The following PATJ variants were observed in gnomAD, a reference collection of about 807,000 sequenced individuals.
The protein encoded by PATJ is inaD-like protein.
Under a neutral mutation model 224.9 loss-of-function variants are expected in PATJ, and 190 were observed. That is an observed-to-expected ratio of 0.84 (90% CI 0.75 to 0.95). The LOEUF (loss-of-function observed/expected upper bound fraction) is 0.95, where lower values mean the gene tolerates loss of function less well. PATJ is among the 40% of genes least tolerant of loss of function. The pLI is 0.00. For synonymous variants in PATJ, 769 were observed against 820.3 expected (o/e 0.94, Z 1.07); for missense variants, 2,121 against 2,270.3 (o/e 0.93, Z 1.34).
intron 1 of PATJ, among the ~76,000 whole-genome samples, chr1:61,754,569 C>T (rs529793432): frequency 2.1e-5 from 3 of 145,758 alleles, no homozygotes; most frequent in East Asian, 4.1e-4. Flanking sequence ...GCTATGTTGC[C>T]CAGGCTGGTC....
intron 31 of PATJ, among the ~76,000 whole-genome samples, chr1:62,052,198 G>C (rs897563009): frequency 1.3e-5 from 2 of 152,112 alleles, no homozygotes; most frequent in Admixed American, 6.5e-5. Context: ...ACAGCCCAGA[G>C]TTGTTCATTT....
intron 16 of PATJ, among the ~76,000 whole-genome samples, chr1:61,828,112 G>T (rs866122710): frequency 1.3e-5 from 2 of 151,892 alleles, no homozygotes; most frequent in South Asian, 4.1e-4. Flanking sequence ...GCATGGTGGC[G>T]CATGCCTGTA....
intron 37 of PATJ, among the ~76,000 whole-genome samples, chr1:62,119,160 C>G (rs1664778273): frequency 6.6e-6 from 1 of 151,822 alleles, no homozygotes; most frequent in Non-Finnish European, 1.5e-5. Flanking sequence ...TTTTTAAAAA[C>G]AGTAAATATA....
chr1:61,816,471 A>G (rs143985832), intron 14 of PATJ: 1 of 152,322 alleles, frequency 6.6e-6, no homozygotes, highest in Non-Finnish European at 1.5e-5. Context: ...AGAGATTAGC[A>G]TGGCCCCTGT....
intron 41 of PATJ, among the ~76,000 whole-genome samples, chr1:62,141,756 A>G (rs1485620035): frequency 6.6e-6 from 1 of 151,566 alleles, no homozygotes; most frequent in African/African-American, 2.4e-5. Flanking sequence ...TGATCACCTG[A>G]GGTCGAGTTT....
chr1:61,982,480 A>G (rs12057791), intron 27 of PATJ, among the ~76,000 whole-genome samples: 38,291 of 151,828 alleles, frequency 0.25, 5,185 homozygotes, highest in East Asian at 0.45. Flanking sequence ...AGTATCAGTC[A>G]GTTCATCTGC....
At chr1:61,791,912 A>G (rs1443966988) in intron 9 of PATJ, among the ~76,000 whole-genome samples, 1 of 152,218 alleles carries the variant, frequency 6.6e-6, no homozygotes, top group Non-Finnish European at 1.5e-5. Context: ...TATGAGAATA[A>G]GTACACAATT....
intron 27 of PATJ, among the ~76,000 whole-genome samples, chr1:61,960,663 CAAAA>C (rs1163415331): frequency 1.0e-5 from 1 of 98,494 alleles, no homozygotes; most frequent in Non-Finnish European, 2.2e-5. Flanking sequence ...AACTCCATCT[CAAAA>C]AAAAAAAAAA....
rs374594803 is a variant in PATJ at position 62,136,015 on chromosome 1, A to ATTTTTT, written c.5271+7094_5271+7099dup. ...GCTTCACACTTCTTCAGACCATTAG[A>ATTTTTT]TTTTTTTTTTTTTTTTTTTTTTTTT... On this transcript the variant is annotated intron_variant, in intron 41 of 43. Coordinates refer to ENST00000642238, the MANE Select transcript of PATJ (RefSeq NM_001350145.3). Among the ~76,000 whole-genome samples, 219 of 63,904 alleles carry ATTTTTT rather than the reference A, an allele frequency of 3.4e-3. 29 individuals are homozygous for ATTTTTT. Among genetic ancestry groups the ATTTTTT allele is most frequent in the African/African-American group, 7.8e-3 (122 of 15,580 alleles). 41.9% of individuals were successfully genotyped at this position (63,904 alleles called of 152,430 possible). A position where few individuals can be genotyped will look rare whatever the true frequency, so the allele number is the denominator to read the frequency against.
Position 62,051,171 on chromosome 1 carries a change from G to A in PATJ, c.4125+113G>A, listed in dbSNP as rs190559665. The A allele has an allele frequency of 1.4e-4, 106 of 765,916 alleles. 1 individual carries two copies. Among genetic ancestry groups the A allele is most frequent in the Non-Finnish European group, 2.1e-4 (98 of 463,068 alleles). The allele number at this position is 765,916 out of a possible 1,614,324, so 47.4% of individuals were successfully genotyped here. On this transcript the variant is annotated intron_variant, in intron 31 of 43. Coordinates refer to ENST00000642238, the MANE Select transcript of PATJ (RefSeq NM_001350145.3). The stretch of plus-strand genomic sequence containing the variant: ...ATGTTTGCTTCTCTCAGGAATCTTC[G>A]TCTGTGAGACAAGAAGCTATTATAT...
intron 27 of PATJ, among the ~76,000 whole-genome samples, chr1:61,962,384 CCTT>C (rs1681441855): frequency 6.6e-6 from 1 of 152,156 alleles, no homozygotes; most frequent in Non-Finnish European, 1.5e-5. Flanking sequence ...GACTATATGT[CCTT>C]CTGTCTCGAT....
intron 14 of PATJ, among the ~76,000 whole-genome samples, chr1:61,813,372 T>C (rs948007607): frequency 1.1e-3 from 48 of 44,514 alleles, no homozygotes; most frequent in African/African-American, 3.9e-3. Context: ...TATATATATA[T>C]ATATATACAC....
chr1:61,761,130 C>T (rs776581029), intron 1 of PATJ, among the ~76,000 whole-genome samples: 2 of 152,044 alleles, frequency 1.3e-5, no homozygotes, highest in Non-Finnish European at 2.9e-5. Flanking sequence ...AGGTACAAGC[C>T]ACCACACCAG....
At position 62,148,273 on chromosome 1, in the gene PATJ, T is replaced by G; in HGVS notation, c.5272-11T>G. On this transcript the variant is annotated splice_polypyrimidine_tract_variant and intron_variant, in intron 41 of 43. Transcript: ENST00000642238. ...TTATAATGAAATACCTTTTTTTCAC[T>G]TTTTCCCCAGGTTGTAGCAGATACC... 6.3e-7 allele frequency: 1 copy of G among 1,598,054 alleles called. No individual in the cohort carries two copies. The highest frequency in any genetic ancestry group is 2.2e-5 in the East Asian group (1 of 44,788).
intron 29 of PATJ, among the ~76,000 whole-genome samples, chr1:62,019,655 C>A (rs1234377850): frequency 3.3e-5 from 5 of 151,830 alleles, no homozygotes; most frequent in Non-Finnish European, 7.4e-5. Flanking sequence ...TAAGATGAGC[C>A]CTTTATCCTT....
chr1:62,091,575 G>A (rs1001447482), intron 33 of PATJ, among the ~76,000 whole-genome samples: 1 of 152,112 alleles, frequency 6.6e-6, no homozygotes, highest in Non-Finnish European at 1.5e-5. Flanking sequence ...GTGAAATGTG[G>A]CTTTGTTCCT....
At chr1:61,848,424 C>A (rs996252238) in intron 17 of PATJ, among the ~76,000 whole-genome samples, 1 of 152,142 alleles carries the variant, frequency 6.6e-6, no homozygotes, top group Non-Finnish European at 1.5e-5. Flanking sequence ...GCTGTGCCAC[C>A]GAGCTTGTGC....
chr1:61,829,047 C>T (rs1366631871), intron 16 of PATJ, among the ~76,000 whole-genome samples: 1 of 152,194 alleles, frequency 6.6e-6, no homozygotes, highest in Non-Finnish European at 1.5e-5. Context: ...TAACAGTCGG[C>T]TATGGCTGTT....
At chr1:62,003,726 G>A (rs2365738) in intron 28 of PATJ, among the ~76,000 whole-genome samples, 27,831 of 152,044 alleles carry the variant, frequency 0.18, 2,718 homozygotes, top group Non-Finnish European at 0.21. Flanking sequence ...CTGAGTTTCA[G>A]GCATCTGCCC....
Sources: allele counts gnomAD v4.1 joint callset (sites outside exome capture counted in the v4.1 genomes callset), GRCh38; gene constraint gnomAD v4.1.1; transcripts MANE v1.5; gene names NCBI Gene and HGNC (gene_info 2026-07-23, HGNC 2026-07-21).